Variants in SFR1 observed in about 807,000 individuals in gnomAD.
SFR1 encodes swi5-dependent recombination DNA repair protein 1 homolog.
In SFR1, 24 loss-of-function variants were observed where a neutral mutation model predicts 26.2. That is an observed-to-expected ratio of 0.92 (90% confidence interval 0.66 to 1.29). The LOEUF is 1.29. Ranked by LOEUF, SFR1 falls within the 50% of genes most tolerant of loss-of-function variation. The pLI is 0.00. For synonymous variants in SFR1, 77 were observed against 96.6 expected (o/e 0.80, Z 1.19); for missense variants, 276 against 270.2 (o/e 1.02, Z -0.15).
intron 3 of SFR1, 25 bp downstream of exon 3, chr10:104,124,149 C>A: frequency 6.9e-7 from 1 of 1,452,608 alleles, no homozygotes; most frequent in Non-Finnish European, 9.1e-7. Flanking sequence ...AGGACCATTG[C>A]ATAATTTTTA....
rs2087015373 is a variant in SFR1 at position 104,125,492 on chromosome 10, A to G, written c.547-21A>G. The G allele has an allele frequency of 1.9e-6, 3 of 1,579,102 alleles. No individual in the cohort carries two copies. In the African/African-American group the frequency reaches 4.1e-5, roughly 22 times the overall value. ...CTAGCATGACTAGTTATTGACATAC[A>G]TGTTTTTTTTTCTGTTTCAGAATGA... On this transcript the variant is annotated intron_variant, in intron 3 of 3. Coordinates refer to ENST00000369727, the MANE Select transcript of SFR1 (RefSeq NM_001002759.2).
Position 104,123,771 on chromosome 10 carries a change from T to A in SFR1, c.193T>A (p.Ser65Thr). The A allele has an allele frequency of 1.2e-6, 2 of 1,609,416 alleles. No homozygotes were observed. Among genetic ancestry groups the A allele is most frequent in the African/African-American group, 1.3e-5 (1 of 74,630 alleles). Residue 65 changes from serine to threonine, a missense_variant, in exon 3 of 4, where the codon TCT becomes ACT. Coordinates refer to ENST00000369727, the MANE Select transcript of SFR1 (RefSeq NM_001002759.2). ...LRKTRFSFNS[S>T]YNVVKRLKVE... ...GAAAACAAGATTTTCATTTAATTCC[T>A]CTTACAATGTGGTGAAACGTCTTAA...
At chr10:104,122,924 G>A (rs768700639) in intron 1 of SFR1, 41 bp from the exon 2 acceptor site, 3 of 1,604,822 alleles carry the variant, frequency 1.9e-6, no homozygotes, top group Non-Finnish European at 2.6e-6. Context: ...ACTATAGAGA[G>A]GTGTGGTTAA....
Position 104,123,938 on chromosome 10 carries a change from G to A in SFR1, c.360G>A (p.Lys120=). 5.0e-6 allele frequency: 8 copies of A among 1,613,502 alleles called. No individual in the cohort carries two copies. The highest frequency in any genetic ancestry group is 6.8e-6 in the Non-Finnish European group (8 of 1,179,800). ...ATACAAATTTGAAAAATACTTTGAA[G>A]AATCTCAATGTCTGTGAATCTCAGT... ...EENTNLKNTL[K]NLNVCESQSL... The change falls in exon 3 of 4, where the codon AAG becomes AAA. Residue 120 remains lysine (K), a synonymous_variant. Transcript: ENST00000369727.
At chr10:104,122,162 C>G (rs1388936427), upstream of SFR1, 2 of 1,548,436 alleles carry the variant, frequency 1.3e-6, no homozygotes, top group South Asian at 2.4e-5. Context: ...CAGGTGCGCG[C>G]GCTTTTTTGC....
upstream of SFR1, chr10:104,121,961 A>G (rs1200450719): frequency 1.9e-6 from 1 of 518,748 alleles, no homozygotes; most frequent in Non-Finnish European, 3.4e-6. Context: ...TCTGCCAATC[A>G]TGCGTCTGGG....
intron 3 of SFR1, 43 bp from the exon 4 acceptor site, chr10:104,125,470 G>T: frequency 6.7e-7 from 1 of 1,498,078 alleles, no homozygotes; most frequent in Non-Finnish European, 9.2e-7. Flanking sequence ...AGTTGAACTA[G>T]CATGACTAGT....
intron 1 of SFR1, 156 bp downstream of exon 1, chr10:104,122,352 G>T: frequency 1.5e-5 from 15 of 985,338 alleles, no homozygotes; most frequent in Non-Finnish European, 1.8e-5. Context: ...GCAACGGGGG[G>T]AAGGAGGGGA....
In SFR1 at chr10:104,126,148, A is replaced by G. The variant is rs2087025413; in HGVS notation, c.*444A>G. ...TTTTGGATAGATTTGTCAAAACGAC[A>G]TTTAAGTCATGTTTAAAAAGTCATT... On this transcript the variant is annotated 3_prime_UTR_variant, in exon 4 of 4. Coordinates refer to ENST00000369727, the MANE Select transcript of SFR1 (RefSeq NM_001002759.2). The G allele has an allele frequency of 6.5e-6, 1 of 152,740 alleles. No individual in the cohort carries two copies. The highest frequency in any genetic ancestry group is 1.5e-5 in the Non-Finnish European group (1 of 68,080). 9.5% of individuals were successfully genotyped at this position (152,740 alleles called of 1,614,324 possible).
Position 104,123,786 on chromosome 10 carries a change from A to C in SFR1, c.208A>C (p.Lys70Gln). The C allele has an allele frequency of 6.2e-7, 1 of 1,612,120 alleles. No homozygotes were observed. Among genetic ancestry groups the C allele is most frequent in the South Asian group, 1.1e-5 (1 of 90,628 alleles). The part of the protein sequence containing the change: ...FSFNSSYNVV[K>Q]RLKVESEEND... ...ATTTAATTCCTCTTACAATGTGGTG[A>C]AACGTCTTAAAGTAGAGAGTGAAGA... The change falls in exon 3 of 4, where the codon AAA (lysine) becomes CAA (glutamine). Residue 70 changes from lysine to glutamine, a missense_variant. Physicochemically the swap from Lys to Gln is moderately conservative, Grantham distance 53 (BLOSUM62 1). Coordinates refer to ENST00000369727, the MANE Select transcript of SFR1 (RefSeq NM_001002759.2).
chr10:104,122,487 G>T (rs2086975380), intron 1 of SFR1: 1 of 985,416 alleles, frequency 1.0e-6, no homozygotes, highest in South Asian at 4.7e-5. Context: ...GGGCTTAAAT[G>T]CGTCTCCGCT....
chr10:104,123,694 A>T lies in SFR1; in HGVS notation c.136-20A>T, dbSNP rs149846040. 1.6e-4 allele frequency: 245 copies of T among 1,516,726 alleles called. No homozygotes were observed. In the East Asian group the frequency reaches 5.3e-3, roughly 33 times the overall value. 94.0% of individuals were successfully genotyped at this position (1,516,726 alleles called of 1,614,324 possible). A position where few individuals can be genotyped will look rare whatever the true frequency, so the allele number is the denominator to read the frequency against. The stretch of plus-strand genomic sequence containing the variant: ...ATGTTTTTCTTGATTCACATTTTTA[A>T]TGTTTTGTGCTCTTTATAGCCTATG... On this transcript the variant is annotated intron_variant, in intron 2 of 3. Coordinates refer to ENST00000369727, the MANE Select transcript of SFR1 (RefSeq NM_001002759.2).
At chr10:104,124,823 C>T (rs1378277768) in intron 3 of SFR1, among the ~76,000 whole-genome samples, 1 of 152,046 alleles carries the variant, frequency 6.6e-6, no homozygotes, top group Non-Finnish European at 1.5e-5. Context: ...TTTTTAGAGA[C>T]ATGGTCTCTG....
chr10:104,124,764 A>G (rs2087007629), intron 3 of SFR1, among the ~76,000 whole-genome samples: 1 of 152,070 alleles, frequency 6.6e-6, no homozygotes, highest in Non-Finnish European at 1.5e-5. Flanking sequence ...AATAAAATTT[A>G]GGAGTATTGA....
chr10:104,125,795 C>T lies in SFR1; in HGVS notation c.*91C>T, dbSNP rs1275061910. On this transcript the variant is annotated 3_prime_UTR_variant, in exon 4 of 4. Transcript: ENST00000369727. ...TTTTTTTTTTTTTGAGACTGAGTTT[C>T]GCTCTTGTCATCCTGGCTGGAGTGT... 1.6e-4 allele frequency: 127 copies of T among 798,764 alleles called. 1 individual carries two copies. The highest frequency in any genetic ancestry group is 2.1e-4 in the Non-Finnish European group (107 of 510,990). 49.5% of individuals were successfully genotyped at this position (798,764 alleles called of 1,614,324 possible).
chr10:104,123,143 A>G, intron 2 of SFR1, 57 bp downstream of exon 2: 1 of 1,348,454 alleles, frequency 7.4e-7, no homozygotes, highest in East Asian at 2.3e-5. Context: ...GTATTGTGGC[A>G]GTGGTGGTTT....
intron 1 of SFR1, 154 bp downstream of exon 1, chr10:104,122,350 G>A: frequency 1.0e-6 from 1 of 985,360 alleles, no homozygotes; most frequent in Non-Finnish European, 1.2e-6. Flanking sequence ...CTGCAACGGG[G>A]GGAAGGAGGG....
At chr10:104,121,338 T>A (rs1564695802), upstream of SFR1, among the ~76,000 whole-genome samples, 1 of 152,086 alleles carries the variant, frequency 6.6e-6, no homozygotes, top group Admixed American at 6.5e-5. Flanking sequence ...GTTTTTTGTT[T>A]ACAACAACAA....
chr10:104,121,625 A>C (rs981655887), upstream of SFR1, among the ~76,000 whole-genome samples: 3 of 152,162 alleles, frequency 2.0e-5, no homozygotes, highest in Non-Finnish European at 2.9e-5. Context: ...TGGCCGCCCC[A>C]CGTCTGAGTA....
Sources: gnomAD v4.1 joint callset for allele counts (sites outside exome capture counted in the v4.1 genomes callset) on GRCh38, gnomAD v4.1.1 for gene constraint, MANE v1.5 for transcripts, NCBI Gene and HGNC (gene_info 2026-07-23, HGNC 2026-07-21) for gene names.